ITPRID1: variants seen among roughly 807,000 people sequenced by gnomAD.
ITPRID1 encodes the protein protein ITPRID1.
ITPRID1 carries 96 observed loss-of-function variants against 95.4 expected under a neutral mutation model. That is an observed-to-expected ratio of 1.01 (90% CI 0.85 to 1.19). ITPRID1 has a LOEUF of 1.19. Among genes scored for constraint, ITPRID1 ranks in the 50% most tolerant of loss-of-function variants. The pLI is 0.00. For missense variants in ITPRID1, 1,339 were observed against 1,252.9 expected, an observed-to-expected ratio of 1.07 and a Z score of -1.04; for synonymous variants, 510 against 453.6, an observed-to-expected ratio of 1.12 and a Z score of -1.58.
intron 1 of ITPRID1, among the ~76,000 whole-genome samples, chr7:31,515,284 TA>T (rs58554033): frequency 0.25 from 37,138 of 146,160 alleles, 4,699 homozygotes; most frequent in Middle Eastern, 0.37. Context: ...CAGCAGTGGT[TA>T]AAAAAAAAAA....
chr7:31,562,629 T>C (rs1354033623), intron 5 of ITPRID1, among the ~76,000 whole-genome samples: 2 of 152,176 alleles, frequency 1.3e-5, no homozygotes, highest in Non-Finnish European at 2.9e-5. Flanking sequence ...CTGTTTTAGG[T>C]GAAGGGAACA....
chr7:31,592,127 G>A (rs995079056), intron 10 of ITPRID1, among the ~76,000 whole-genome samples: 4 of 152,086 alleles, frequency 2.6e-5, no homozygotes, highest in African/African-American at 9.7e-5. Flanking sequence ...TATGCGTAAG[G>A]GCAGTATAAT....
At chr7:31,516,105 C>T (rs771453987) in intron 1 of ITPRID1, among the ~76,000 whole-genome samples, 6 of 151,762 alleles carry the variant, frequency 4.0e-5, no homozygotes, top group Non-Finnish European at 8.8e-5. Context: ...CCAACTTGGA[C>T]GAATTTCAGT....
chr7:31,619,017 G>A (rs1787542956), intron 10 of ITPRID1, among the ~76,000 whole-genome samples: 1 of 152,178 alleles, frequency 6.6e-6, no homozygotes, highest in Non-Finnish European at 1.5e-5. Context: ...GTGTCTGAGA[G>A]AGGAAATCCC....
chr7:31,586,362 G>C (rs891452475), intron 10 of ITPRID1, among the ~76,000 whole-genome samples: 22 of 151,080 alleles, frequency 1.5e-4, no homozygotes, highest in African/African-American at 5.1e-4. Context: ...CCCAGTAATG[G>C]GATGGCTGGG....
intron 10 of ITPRID1, among the ~76,000 whole-genome samples, chr7:31,606,499 A>C (rs375855593): frequency 6.6e-6 from 1 of 152,214 alleles, no homozygotes; most frequent in East Asian, 1.9e-4. Context: ...ATAACTCATG[A>C]TGGTTAAACC....
intron 5 of ITPRID1, chr7:31,555,208 G>A (rs1039156416): frequency 3.5e-5 from 8 of 226,688 alleles, no homozygotes; most frequent in African/African-American, 1.8e-4. Flanking sequence ...AAATGAAATT[G>A]TTTAATTTTC....
chr7:31,599,850 C>T (rs944007153), intron 10 of ITPRID1, among the ~76,000 whole-genome samples: 2 of 151,860 alleles, frequency 1.3e-5, no homozygotes, highest in Non-Finnish European at 2.9e-5. Context: ...CGCCTGCCAC[C>T]ACGCCCGGCT....
At chr7:31,523,169 G>A (rs956107239) in intron 1 of ITPRID1, among the ~76,000 whole-genome samples, 1 of 152,140 alleles carries the variant, frequency 6.6e-6, no homozygotes. Context: ...TCTTTAAGAC[G>A]ACAAGAAGGT....
intron 5 of ITPRID1, among the ~76,000 whole-genome samples, chr7:31,559,238 A>G (rs967257991): frequency 2.0e-5 from 3 of 152,196 alleles, no homozygotes; most frequent in Non-Finnish European, 4.4e-5. Flanking sequence ...TCCTCTTGGT[A>G]TCACCACATA....
At chr7:31,556,180 C>G (rs1313516797) in intron 5 of ITPRID1, among the ~76,000 whole-genome samples, 2 of 152,034 alleles carry the variant, frequency 1.3e-5, no homozygotes, top group African/African-American at 4.8e-5. Flanking sequence ...AGTCAATGAA[C>G]TGGAAAGGCA....
At chr7:31,587,345 A>G (rs1364974841) in intron 10 of ITPRID1, among the ~76,000 whole-genome samples, 4 of 152,068 alleles carry the variant, frequency 2.6e-5, no homozygotes, top group African/African-American at 7.2e-5. Context: ...TACACCAATA[A>G]CAGACAAACA....
intron 1 of ITPRID1, among the ~76,000 whole-genome samples, chr7:31,523,894 G>A (rs1250244499): frequency 6.6e-6 from 1 of 152,156 alleles, no homozygotes; most frequent in East Asian, 1.9e-4. Context: ...TGAATCAGAA[G>A]CCTGGGCTTT....
chr7:31,588,311 G>T (rs1785710238), intron 10 of ITPRID1, among the ~76,000 whole-genome samples: 1 of 152,050 alleles, frequency 6.6e-6, no homozygotes, highest in Non-Finnish European at 1.5e-5. Context: ...GGCTCCAGTT[G>T]ACACCATCCT....
intron 5 of ITPRID1, among the ~76,000 whole-genome samples, chr7:31,558,295 T>C (rs910181192): frequency 7.9e-5 from 12 of 152,170 alleles, no homozygotes; most frequent in African/African-American, 2.9e-4. Context: ...TATTGTGTTA[T>C]AGCAGCAGAA....
chr7:31,561,847 A>T (rs191126487), intron 5 of ITPRID1, among the ~76,000 whole-genome samples: 7 of 152,258 alleles, frequency 4.6e-5, no homozygotes, highest in African/African-American at 1.4e-4. Context: ...CTACACAAGC[A>T]AACATGTCTG....
chr7:31,524,526 A>G lies in ITPRID1; in HGVS notation c.-98+10406A>G, dbSNP rs62447327. The stretch of plus-strand genomic sequence containing the variant: ...TGCCTCCATTTTGTTACTTTTCTAT[A>G]TGGCCAGAATTAACATGTTCATTGT... On this transcript the variant is annotated intron_variant, in intron 1 of 14. Coordinates refer to ENST00000615280, the MANE Select transcript of ITPRID1 (RefSeq NM_001257967.3). 9.4e-3 allele frequency among the ~76,000 whole-genome samples: 1,428 copies of G among 152,326 alleles called. 12 individuals carry two copies. The highest frequency in any genetic ancestry group is 0.015 in the Non-Finnish European group (1,052 of 68,022).
rs1791241984 is a variant in ITPRID1 at position 31,655,256 on chromosome 7, C to T, written c.*2427C>T. ...ACAGCCTTTCTCCTTGCTGCAGGCTCAGTGCCACAGTGTGCATGGTCTCCT... is the reference window on the plus strand; with the variant it reads ...ACAGCCTTTCTCCTTGCTGCAGGCTTAGTGCCACAGTGTGCATGGTCTCCT... On this transcript the variant is annotated 3_prime_UTR_variant, in exon 15 of 15. Coordinates refer to ENST00000615280, the MANE Select transcript of ITPRID1 (RefSeq NM_001257967.3). Among the ~76,000 whole-genome samples the T allele has an allele frequency of 6.6e-6, 1 of 152,204 alleles. No homozygotes were observed. The highest frequency in any genetic ancestry group is 2.4e-5 in the African/African-American group (1 of 41,458).
intron 1 of ITPRID1, among the ~76,000 whole-genome samples, chr7:31,548,651 A>G (rs2128135234): frequency 6.6e-6 from 1 of 152,254 alleles, no homozygotes; most frequent in South Asian, 2.1e-4. Context: ...GTTCACTGCC[A>G]CAAGAGCATG....
Sources: gnomAD v4.1 joint callset for allele counts (sites outside exome capture counted in the v4.1 genomes callset) on GRCh38, gnomAD v4.1.1 for gene constraint, MANE v1.5 for transcripts, NCBI Gene and HGNC (gene_info 2026-07-23, HGNC 2026-07-21) for gene names.